UNC80: variants seen among roughly 807,000 people sequenced by gnomAD.
The protein encoded by UNC80 is protein unc-80 homolog.
UNC80 carries 164 observed loss-of-function variants against 384.6 expected under a neutral mutation model. The ratio of observed to expected loss-of-function variants is 0.43; its 90% CI spans 0.38 to 0.49. The LOEUF (loss-of-function observed/expected upper bound fraction) is 0.49, where lower values mean the gene tolerates loss of function less well. Ranked by LOEUF, UNC80 falls within the 20% of genes least tolerant of loss-of-function variation. The probability of loss-of-function intolerance (pLI) is 0.00; values close to 1 mark genes in which losing one functional copy is unlikely to be tolerated. For synonymous variants in UNC80, 1,486 were observed against 1,527.8 expected (o/e 0.97, Z 0.64); for missense variants, 3,330 against 4,143.0 (o/e 0.80, Z 5.39).
chr2:209,995,574 A>C lies in UNC80; in HGVS notation c.9954A>C (p.Val3318=). 1 of 1,552,090 alleles carries C rather than the reference A, an allele frequency of 6.4e-7. No individual in the cohort carries two copies. The highest frequency in any genetic ancestry group is 8.7e-7 in the Non-Finnish European group (1 of 1,147,076). ...CTGAGCTGGGGAAAACGGATGCAGT[A>C]TTAGATGAGTCTCATGTTTAATTCT... ...TPTELGKTDA[V]LDESHV The change falls in exon 65 of 65, where the codon GTA becomes GTC. Residue 3318 remains valine (V), a synonymous_variant. Transcript: ENST00000673920.
intron 14 of UNC80, among the ~76,000 whole-genome samples, chr2:209,827,217 AT>A (rs376781547): frequency 9.9e-5 from 15 of 152,206 alleles, no homozygotes; most frequent in Non-Finnish European, 1.8e-4. Context: ...TGTGTATATG[AT>A]TTTTTATCTT....
chr2:209,775,769 A>G, intron 2 of UNC80, 120 bp from the exon 3 acceptor site: 6 of 962,682 alleles, frequency 6.2e-6, no homozygotes, highest in Non-Finnish European at 8.9e-6. Flanking sequence ...AGTAATTTGC[A>G]TCTTTTAAGG....
At chr2:209,928,023 A>G (rs1221405897) in intron 36 of UNC80, among the ~76,000 whole-genome samples, 1 of 152,154 alleles carries the variant, frequency 6.6e-6, no homozygotes, top group Admixed American at 6.6e-5. Context: ...TATTTTCTAT[A>G]TATAGTACTA....
intron 56 of UNC80, among the ~76,000 whole-genome samples, chr2:209,974,035 A>G (rs16843990): frequency 0.031 from 4,738 of 152,278 alleles, 254 homozygotes; most frequent in African/African-American, 0.11. Context: ...GAACTGGGCC[A>G]GCAGGAAAAG....
Position 209,995,605 on chromosome 2 carries a change from T to C in UNC80, c.*10T>C. The C allele has an allele frequency of 1.3e-6, 2 of 1,551,464 alleles. No individual in the cohort carries two copies. The highest frequency in any genetic ancestry group is 1.7e-6 in the Non-Finnish European group (2 of 1,146,712). On this transcript the variant is annotated 3_prime_UTR_variant, in exon 65 of 65. Coordinates refer to ENST00000673920, the MANE Select transcript of UNC80 (RefSeq NM_001371986.1). Reference sequence around the variant, plus strand: ...TGAGTCTCATGTTTAATTCTGTATCTTGTAAGCTCTGCAGGTATAGAGAAG... The same window carrying C: ...TGAGTCTCATGTTTAATTCTGTATCCTGTAAGCTCTGCAGGTATAGAGAAG...
Position 209,957,659 on chromosome 2 carries a change from A to G in UNC80, c.7473A>G (p.Pro2491=). 2 of 1,551,414 alleles carry G rather than the reference A, an allele frequency of 1.3e-6. No homozygotes were observed. Among genetic ancestry groups the G allele is most frequent in the Non-Finnish European group, 1.7e-6 (2 of 1,146,822 alleles). Residue 2491 remains proline (P), a synonymous_variant, in exon 49 of 65, where the codon CCA becomes CCG. Coordinates refer to ENST00000673920, the MANE Select transcript of UNC80 (RefSeq NM_001371986.1). ...ATTGTTACAGGCCCATGACAGCCCC[A>G]CAGATGAGCAGGTGTGACCAAGGTC... ...VEVLTRPMTA[P]QMSRCDQGHK...
intron 8 of UNC80, among the ~76,000 whole-genome samples, chr2:209,814,534 C>T (rs987036208): frequency 6.6e-6 from 1 of 152,184 alleles, no homozygotes; most frequent in Non-Finnish European, 1.5e-5. Flanking sequence ...GCATGAGCCA[C>T]CGCGCCTGGC....
At chr2:209,965,478 T>G (rs1451783267) in intron 51 of UNC80, among the ~76,000 whole-genome samples, 1 of 152,006 alleles carries the variant, frequency 6.6e-6, no homozygotes, top group Admixed American at 6.5e-5. Context: ...TTTGTTTTTT[T>G]TTTTTTAGAC....
intron 29 of UNC80, among the ~76,000 whole-genome samples, chr2:209,911,150 G>T (rs1414178292): frequency 6.6e-6 from 1 of 151,128 alleles, no homozygotes; most frequent in Non-Finnish European, 1.5e-5. Context: ...GCAAGCAGGG[G>T]TACATTTATT....
intron 2 of UNC80, among the ~76,000 whole-genome samples, chr2:209,775,262 A>G (rs1266003962): frequency 2.0e-5 from 3 of 152,168 alleles, no homozygotes; most frequent in African/African-American, 7.2e-5. Flanking sequence ...CAAAGTAAAG[A>G]TGGCTTATTT....
At chr2:209,871,967 C>T (rs1220141735) in intron 22 of UNC80, among the ~76,000 whole-genome samples, 2 of 146,746 alleles carry the variant, frequency 1.4e-5, no homozygotes, top group South Asian at 2.2e-4. Flanking sequence ...TTATTTATGA[C>T]AAAATAAAAA....
rs775047097 is a variant in UNC80 at position 209,945,156 on chromosome 2, C to A, written c.7156C>A (p.Leu2386Met). The A allele has an allele frequency of 6.4e-6, 10 of 1,551,150 alleles. No individual in the cohort carries two copies. The highest frequency in any genetic ancestry group is 2.0e-5 in the Admixed American group (1 of 50,920). Reference sequence around the variant, plus strand: ...CACCGACATATTAGACATCTTAGAGCTGGTCAAAGCTGAGAAGCCTCTCAA... The same window carrying A: ...CACCGACATATTAGACATCTTAGAGATGGTCAAAGCTGAGAAGCCTCTCAA... ...ETTDILDILE[L>M]VKAEKPLKSL... The change falls in exon 46 of 65, where the codon CTG (leucine) becomes ATG (methionine). Residue 2386 changes from leucine (L) to methionine (M), a missense_variant. Coordinates refer to ENST00000673920, the MANE Select transcript of UNC80 (RefSeq NM_001371986.1).
At chr2:209,894,400 G>GGGGGTA (rs2086623742) in intron 27 of UNC80, 34 bp downstream of exon 27, 7 of 980,294 alleles carry the variant, frequency 7.1e-6, no homozygotes, top group Non-Finnish European at 8.5e-6. Flanking sequence ...CAGGGACGTG[G>GGGGGTA]GGGGTAGGAA....
chr2:209,944,421 A>G (rs1366839704), intron 45 of UNC80, among the ~76,000 whole-genome samples: 2 of 152,158 alleles, frequency 1.3e-5, no homozygotes, highest in African/African-American at 4.8e-5. Context: ...TCATGAAAGC[A>G]AGACCTTTGT....
At chr2:209,777,236 C>T in intron 3 of UNC80, 22 bp from the exon 4 acceptor site, 1 of 1,550,612 alleles carries the variant, frequency 6.4e-7, no homozygotes, top group Non-Finnish European at 8.7e-7. Context: ...TCTTAACCTG[C>T]CTGTGTAATT....
At chr2:209,977,207 G>A in intron 58 of UNC80, 129 bp downstream of exon 58, 1 of 914,840 alleles carries the variant, frequency 1.1e-6, no homozygotes, top group Non-Finnish European at 1.5e-6. Flanking sequence ...TACACTGTTA[G>A]ATTTGACCAT....
At chr2:209,945,809 C>A (rs780288467) in intron 46 of UNC80, 38 bp from the exon 47 acceptor site, 11 of 1,415,306 alleles carry the variant, frequency 7.8e-6, no homozygotes. Context: ...CCTGCAAAAT[C>A]CACTCTGATA....
intron 61 of UNC80, 99 bp downstream of exon 61, chr2:209,985,011 C>T (rs143166025): frequency 7.3e-4 from 754 of 1,036,518 alleles, no homozygotes; most frequent in Non-Finnish European, 7.9e-4. Context: ...CTTCTCGCCC[C>T]GTCTTAATAT....
At chr2:209,809,198 A>G in intron 7 of UNC80, 1 of 664,614 alleles carries the variant, frequency 1.5e-6, no homozygotes, top group South Asian at 1.7e-5. Flanking sequence ...GTGTGCAAGC[A>G]GCTGGCCCAG....
Sources: gnomAD v4.1 joint callset for allele counts (sites outside exome capture counted in the v4.1 genomes callset) on GRCh38, gnomAD v4.1.1 for gene constraint, MANE v1.5 for transcripts, NCBI Gene and HGNC (gene_info 2026-07-23, HGNC 2026-07-21) for gene names.